Variants in ITGA1 observed in about 807,000 individuals in gnomAD.
The protein encoded by ITGA1 is integrin subunit alpha 1.
Under a neutral mutation model 145.9 loss-of-function variants are expected in ITGA1, and 85 were observed. That is an observed-to-expected ratio of 0.58 (90% CI 0.49 to 0.70). The LOEUF is 0.70. Among genes scored for constraint, ITGA1 ranks in the 30% least tolerant of loss-of-function variants. ITGA1 has a pLI of 0.00. For missense variants in ITGA1, 1,351 were observed against 1,418.7 expected (o/e 0.95, Z 0.77); for synonymous variants, 520 against 495.3 (o/e 1.05, Z -0.66).
intron 1 of ITGA1, among the ~76,000 whole-genome samples, chr5:52,827,617 T>C (rs1748990385): frequency 1.3e-5 from 2 of 152,146 alleles, no homozygotes; most frequent in Admixed American, 1.3e-4. Flanking sequence ...GAAGAGTCAA[T>C]TGATGTGGCA....
At chr5:52,833,564 C>T (rs1331046452) in intron 1 of ITGA1, among the ~76,000 whole-genome samples, 3 of 152,132 alleles carry the variant, frequency 2.0e-5, no homozygotes, top group Admixed American at 1.3e-4. Flanking sequence ...TACTACCTTG[C>T]TCTTGCTAGA....
At chr5:52,857,478 A>G (rs1749534935) in intron 2 of ITGA1, among the ~76,000 whole-genome samples, 1 of 152,086 alleles carries the variant, frequency 6.6e-6, no homozygotes. Flanking sequence ...CCCTGAAAAA[A>G]AAAAGCCACA....
chr5:52,898,182 A>G, intron 10 of ITGA1, 57 bp from the exon 11 acceptor site: 1 of 1,159,514 alleles, frequency 8.6e-7, no homozygotes. Context: ...ATGGTGTTTA[A>G]GTATTTCCCC....
chr5:52,866,715 A>G (rs1749693479), intron 6 of ITGA1, among the ~76,000 whole-genome samples: 1 of 152,178 alleles, frequency 6.6e-6, no homozygotes, highest in South Asian at 2.1e-4. Flanking sequence ...CTTTATTGCC[A>G]CTAAATGAAG....
intron 1 of ITGA1, among the ~76,000 whole-genome samples, chr5:52,830,677 C>CTT (rs899025314): frequency 2.6e-5 from 4 of 152,094 alleles, no homozygotes; most frequent in African/African-American, 7.2e-5. Flanking sequence ...TGTTACTGAT[C>CTT]TTTGATCATA....
chr5:52,855,218 T>C (rs1177942345), intron 2 of ITGA1, among the ~76,000 whole-genome samples: 1 of 152,186 alleles, frequency 6.6e-6, no homozygotes, highest in African/African-American at 2.4e-5. Context: ...CCTTCTGACT[T>C]TTTAGCCAAT....
At chr5:52,893,362 A>G (rs1035973973) in intron 8 of ITGA1, among the ~76,000 whole-genome samples, 1 of 152,214 alleles carries the variant, frequency 6.6e-6, no homozygotes. Flanking sequence ...TATGAATATA[A>G]CATTACTTTT....
At chr5:52,843,821 C>T (rs920326567) in intron 1 of ITGA1, among the ~76,000 whole-genome samples, 1 of 152,126 alleles carries the variant, frequency 6.6e-6, no homozygotes, top group Admixed American at 6.6e-5. Context: ...ATTAATGCAA[C>T]CTGGCTTTTG....
chr5:52,808,425 G>T (rs1413225692), intron 1 of ITGA1, among the ~76,000 whole-genome samples: 3 of 152,096 alleles, frequency 2.0e-5, no homozygotes, highest in Non-Finnish European at 4.4e-5. Context: ...TCAGAGATAG[G>T]AGGTCCTTCT....
intron 1 of ITGA1, chr5:52,800,040 T>G: frequency 3.3e-6 from 1 of 303,724 alleles, no homozygotes. Context: ...CCGCCTCTCC[T>G]TTGGGGACGG....
rs80173008 is a variant in ITGA1, at chr5:52,928,455, C to T, written c.2694+791C>T. 8.2e-3 allele frequency among the ~76,000 whole-genome samples: 1,252 copies of T among 152,266 alleles called. 23 individuals carry two copies. Among genetic ancestry groups the T allele is most frequent in the African/African-American group, 0.028 (1,179 of 41,550 alleles). ...TAATTCACGTAGCATGGAGTTCACT[C>T]GTTGAAAGTGTGTATTTCAGTGGGT... On this transcript the variant is annotated intron_variant, in intron 20 of 28. Transcript: ENST00000282588.
At chr5:52,901,467 G>A (rs1478357637) in intron 11 of ITGA1, among the ~76,000 whole-genome samples, 1 of 152,108 alleles carries the variant, frequency 6.6e-6, no homozygotes, top group African/African-American at 2.4e-5. Flanking sequence ...AATAATAGTA[G>A]CTGACATTAG....
At chr5:52,923,880 T>C (rs1356573402) in intron 18 of ITGA1, among the ~76,000 whole-genome samples, 1 of 152,198 alleles carries the variant, frequency 6.6e-6, no homozygotes, top group Non-Finnish European at 1.5e-5. Context: ...TCCATCTCTG[T>C]CCTTCTTCAT....
intron 1 of ITGA1, among the ~76,000 whole-genome samples, chr5:52,807,725 A>C (rs1748613779): frequency 6.6e-6 from 1 of 152,222 alleles, no homozygotes; most frequent in African/African-American, 2.4e-5. Flanking sequence ...GGAGAATTAG[A>C]AAGCAGAGAA....
intron 12 of ITGA1, 23 bp from the exon 13 acceptor site, chr5:52,908,875 T>C (rs774170740): frequency 6.2e-7 from 1 of 1,611,402 alleles, no homozygotes; most frequent in African/African-American, 1.3e-5. Flanking sequence ...CATTGGGCTG[T>C]TTTGTTTCAT....
intron 9 of ITGA1, 77 bp from the exon 10 acceptor site, chr5:52,897,378 G>GT (rs1381516491): frequency 3.2e-6 from 3 of 935,942 alleles, no homozygotes; most frequent in Non-Finnish European, 5.1e-6. Context: ...GCTCTACCAG[G>GT]TATCTGTATT....
At chr5:52,950,242 C>G (rs1290458218) in intron 28 of ITGA1, among the ~76,000 whole-genome samples, 5 of 152,238 alleles carry the variant, frequency 3.3e-5, no homozygotes, top group African/African-American at 1.2e-4. Flanking sequence ...ATTCCTCTCT[C>G]CTAACTTGAT....
intron 1 of ITGA1, among the ~76,000 whole-genome samples, chr5:52,836,298 G>A (rs1162406831): frequency 2.0e-5 from 3 of 152,122 alleles, no homozygotes; most frequent in Non-Finnish European, 2.9e-5. Context: ...AGACAAAATA[G>A]CACAGAGCCA....
chr5:52,861,290 GCT>G (rs1749596908), intron 2 of ITGA1, among the ~76,000 whole-genome samples, 155 bp from the exon 3 acceptor site: 1 of 152,000 alleles, frequency 6.6e-6, no homozygotes, highest in Non-Finnish European at 1.5e-5. Flanking sequence ...CAAGAGGTAG[GCT>G]CTCTGCTTAG....
Sources: allele counts gnomAD v4.1 joint callset (sites outside exome capture counted in the v4.1 genomes callset), GRCh38; gene constraint gnomAD v4.1.1; transcripts MANE v1.5; gene names NCBI Gene and HGNC (gene_info 2026-07-23, HGNC 2026-07-21).